KREMEN2: variants seen among roughly 807,000 people sequenced by gnomAD.
KREMEN2 encodes the protein kringle containing transmembrane protein 2, also known as kremen protein 2.
In KREMEN2, 43 loss-of-function variants were observed where a neutral mutation model predicts 49.8. The ratio of observed to expected loss-of-function variants is 0.86; its 90% CI spans 0.68 to 1.11. The LOEUF (loss-of-function observed/expected upper bound fraction) is 1.11, where lower values mean the gene tolerates loss of function less well. Among genes scored for constraint, KREMEN2 ranks in the 50% most tolerant of loss-of-function variants. The probability of loss-of-function intolerance (pLI) is 0.00; values close to 1 mark genes in which losing one functional copy is unlikely to be tolerated. For synonymous variants in KREMEN2, 355 were observed against 304.9 expected (o/e 1.16, Z -1.71); for missense variants, 686 against 665.7 (o/e 1.03, Z -0.34).
chr16:2,967,746 G>A, intron 8 of KREMEN2, 64 bp from the exon 9 acceptor site: 1 of 1,543,578 alleles, frequency 6.5e-7, no homozygotes, highest in South Asian at 1.2e-5. Context: ...GCGCGGGATC[G>A]CAGGTAGAGC....
chr16:2,966,923 C>T lies in KREMEN2; in HGVS notation c.654C>T (p.Ser218=). The T allele has an allele frequency of 6.5e-7, 1 of 1,548,780 alleles. No individual in the cohort carries two copies. The highest frequency in any genetic ancestry group is 8.7e-7 in the Non-Finnish European group (1 of 1,145,134). Reference sequence around the variant, plus strand: ...CCCCGCCCGCAGTGTCGGTGGGCTCCTGCCAGGGGAACTGGACAGCGCCTC... The same window carrying T: ...CCCCGCCCGCAGTGTCGGTGGGCTCTTGCCAGGGGAACTGGACAGCGCCTC... ...RLGVYEVSVG[S]CQGNWTAPQG... The change falls in exon 6 of 9, where the codon TCC becomes TCT. Residue 218 remains serine (S), a synonymous_variant. Coordinates refer to ENST00000303746, the MANE Select transcript of KREMEN2 (RefSeq NM_172229.3). This position sits in a 1 kb window ranked among gnomAD's most constrained non-coding sequence, Gnocchi z 8.4.
Position 2,967,818 on chromosome 16 carries a change from T to C in KREMEN2, c.1187T>C (p.Leu396Pro). Residue 396 changes from leucine to proline, a missense_variant, in exon 9 of 9, where the codon CTG (leucine) becomes CCG (proline). Physicochemically the swap from Leu to Pro is moderately conservative, Grantham distance 98. Transcript: ENST00000303746. ...GTCTGCTCCCTCTCTAGGAGCTGTC[T>C]GCTGGCTCCGGGAAAAGGGCCCCCG... Reference protein sequence around the residue: ...LLRPLRRRSCLLAPGKGPPAL... With the variant: ...LLRPLRRRSCPLAPGKGPPAL... 6.5e-7 allele frequency: 1 copy of C among 1,550,158 alleles called. No homozygotes were observed. Among genetic ancestry groups the C allele is most frequent in the Non-Finnish European group, 8.7e-7 (1 of 1,146,964 alleles).
At chr16:2,965,666 G>A (rs1035015440) in intron 2 of KREMEN2, among the ~76,000 whole-genome samples, 2 of 151,998 alleles carry the variant, frequency 1.3e-5, no homozygotes, top group African/African-American at 4.8e-5. Context: ...AGCTACTCAG[G>A]AGGCTGAGGC....
Position 2,967,063 on chromosome 16 carries a change from T to C in KREMEN2, c.794T>C (p.Leu265Pro). The C allele has an allele frequency of 6.5e-7, 1 of 1,529,184 alleles. No individual in the cohort carries two copies. The allele number at this position is 1,529,184 out of a possible 1,614,324, so 94.7% of individuals were successfully genotyped here. A position where few individuals can be genotyped will look rare whatever the true frequency, so the allele number is the denominator to read the frequency against. ...GAGCTCACCTTCCGCCTCTTCGAGC[T>C]GGCCGACCCGCGCGACCGGCTGGAG... is the stretch of plus-strand genomic sequence containing the variant. ...ALELTFRLFE[L>P]ADPRDRLELR... The change falls in exon 6 of 9, where the codon CTG becomes CCG. Residue 265 changes from leucine (L) to proline (P), a missense_variant. Coordinates refer to ENST00000303746, the MANE Select transcript of KREMEN2 (RefSeq NM_172229.3).
rs760956667 is a variant in KREMEN2 at position 2,966,830 on chromosome 16, G to GGA, written c.640+35_640+36insGA. ...GGGCGGGGACCAGGGGCCTGGGCGGGCCTCGAGGTGGGGCCTGGCCGGGCA... is the reference window on the plus strand; with the variant it reads ...GGGCGGGGACCAGGGGCCTGGGCGGGGACCTCGAGGTGGGGCCTGGCCGGGCA... On this transcript the variant is annotated intron_variant, in intron 5 of 8. Transcript: ENST00000303746. This position sits in a 1 kb window ranked among gnomAD's most constrained non-coding sequence, Gnocchi z 8.4. 1.4e-5 allele frequency: 22 copies of GGA among 1,599,272 alleles called. No homozygotes were observed. Among genetic ancestry groups the GGA allele is most frequent in the South Asian group, 3.3e-5 (3 of 89,998 alleles).
chr16:2,965,561 G>C (rs1198442558), intron 2 of KREMEN2, among the ~76,000 whole-genome samples: 1 of 152,156 alleles, frequency 6.6e-6, no homozygotes, highest in East Asian at 1.9e-4. Flanking sequence ...TCTGAGGTCA[G>C]GAGTTCGAGA....
rs1189954787 is a variant in KREMEN2, at chr16:2,967,249, C to A, written c.973+7C>A. The stretch of plus-strand genomic sequence containing the variant: ...TTCGCGCTCACCTACCGCGGTGAGC[C>A]TCAGCTCGGCGCGCCCTGCCCGCTG... On this transcript the variant is annotated splice_region_variant and intron_variant, in intron 6 of 8. Coordinates refer to ENST00000303746, the MANE Select transcript of KREMEN2 (RefSeq NM_172229.3). 1 of 1,352,196 alleles carries A rather than the reference C, an allele frequency of 7.4e-7. No individual in the cohort carries two copies. 83.8% of individuals were successfully genotyped at this position (1,352,196 alleles called of 1,614,324 possible).
rs1011911801 is a variant in KREMEN2 at position 2,966,682 on chromosome 16, C to T, written c.527C>T (p.Ser176Phe). ...VEAGYACFCG[S>F]ESDLARGRLA... ...GCCGGTTACGCCTGCTTCTGTGGCT[C>T]TGAAAGCGACCTGGCCCGGGGACGC... Residue 176 changes from serine to phenylalanine, a missense_variant, in exon 5 of 9, where the codon TCT becomes TTT. Transcript: ENST00000303746. This position sits in a 1 kb window ranked among gnomAD's most constrained non-coding sequence, Gnocchi z 8.4. 1.2e-6 allele frequency: 2 copies of T among 1,611,258 alleles called. No homozygotes were observed.
chr16:2,964,707 G>C (rs1401731049), intron 1 of KREMEN2, 93 bp downstream of exon 1: 4 of 1,397,672 alleles, frequency 2.9e-6, no homozygotes, highest in Admixed American at 2.2e-5. Context: ...GAGGGGGACA[G>C]AGCAGGTGGC....
In KREMEN2 at chr16:2,964,958, A is replaced by G. The variant is rs779187334; in HGVS notation, c.194A>G (p.Gln65Arg). The stretch of plus-strand genomic sequence containing the variant: ...GGCCGCCCGTGCCTCTTCTGGGACC[A>G]GACGCAGCAACACAGCTACAGCAGC... ...GAGRPCLFWD[Q>R]TQQHSYSSAS... The change falls in exon 2 of 9, where the codon CAG becomes CGG. Residue 65 changes from glutamine (Q) to arginine (R), a missense_variant. Transcript: ENST00000303746. 2 of 1,587,830 alleles carry G rather than the reference A, an allele frequency of 1.3e-6. No individual in the cohort carries two copies. The highest frequency in any genetic ancestry group is 1.7e-6 in the Non-Finnish European group (2 of 1,168,352).
At chr16:2,965,073 A>G (rs1178261677) in intron 2 of KREMEN2, 40 bp downstream of exon 2, 2 of 1,444,828 alleles carry the variant, frequency 1.4e-6, no homozygotes, top group Non-Finnish European at 1.8e-6. Context: ...GGCTGGGCTC[A>G]CCATTGCAGG....
At chr16:2,967,274 GT>G (rs2071846083) in intron 6 of KREMEN2, 32 bp downstream of exon 6, 1 of 1,363,888 alleles carries the variant, frequency 7.3e-7, no homozygotes. Flanking sequence ...CCTGCCCGCT[GT>G]TCCCACCCCG....
Position 2,964,517 on chromosome 16 carries a change from A to G in KREMEN2, c.-4A>G, listed in dbSNP as rs755839135. 1 of 1,567,680 alleles carries G rather than the reference A, an allele frequency of 6.4e-7. No individual in the cohort carries two copies. Among genetic ancestry groups the G allele is most frequent in the Non-Finnish European group, 8.6e-7 (1 of 1,161,082 alleles). On this transcript the variant is annotated 5_prime_UTR_variant, in exon 1 of 9. Transcript: ENST00000303746. Reference sequence around the variant, plus strand: ...CGAGGGTGACCTATCCTTGGTTGAGAGCGATGGGGACACAAGCCCTGCAGG... The same window carrying G: ...CGAGGGTGACCTATCCTTGGTTGAGGGCGATGGGGACACAAGCCCTGCAGG...
chr16:2,966,600 A>C lies in KREMEN2; in HGVS notation c.487-42A>C, dbSNP rs1482947935. 6 of 1,589,424 alleles carry C rather than the reference A, an allele frequency of 3.8e-6. No homozygotes were observed. In the Admixed American group the frequency reaches 7.0e-5, roughly 18 times the overall value. ...CCCAGGCCCCCACCACTTCACCCCT[A>C]CCCCAGCCCCTGCCCTGGGGTCACC... is the stretch of plus-strand genomic sequence containing the variant. On this transcript the variant is annotated intron_variant, in intron 4 of 8. Coordinates refer to ENST00000303746, the MANE Select transcript of KREMEN2 (RefSeq NM_172229.3). The surrounding 1 kb of genome is among the most constrained non-coding windows in gnomAD (Gnocchi z 8.4).
rs1476845641 is a variant in KREMEN2 at position 2,967,941 on chromosome 16, C to A, written c.1310C>A (p.Ala437Asp). 3.2e-6 allele frequency: 5 copies of A among 1,584,736 alleles called. No homozygotes were observed. The African/African-American group carries it at 6.7e-5, about 21-fold the overall frequency. ...CCCTGCTCCCCCGGGGACCCCCAGG[C>A]TGAGGGTTCTGCCGCGGGCTACCGG... ...ALPCSPGDPQ[A>D]EGSAAGYRPL... Residue 437 changes from alanine (A) to aspartate (D), a missense_variant, in exon 9 of 9, where the codon GCT (alanine) becomes GAT (aspartate). By Grantham distance (126) the Ala-to-Asp change is moderately radical. Transcript: ENST00000303746.
chr16:2,966,560 G>C lies in KREMEN2; in HGVS notation c.487-82G>C, dbSNP rs1238976208. ...ACACCGGTTTCTGAACCTCCAGCCC[G>C]ATTCCCACCCCGACCCCAGGCCCCC... On this transcript the variant is annotated intron_variant, in intron 4 of 8. Coordinates refer to ENST00000303746, the MANE Select transcript of KREMEN2 (RefSeq NM_172229.3). This position sits in a 1 kb window ranked among gnomAD's most constrained non-coding sequence, Gnocchi z 8.4. 34 of 1,562,230 alleles carry C rather than the reference G, an allele frequency of 2.2e-5. No homozygotes were observed. The highest frequency in any genetic ancestry group is 2.2e-4 in the Middle Eastern group (1 of 4,630).
chr16:2,966,057 CTT>C lies in KREMEN2; in HGVS notation c.270-81_270-80del, dbSNP rs1335400714. Reference sequence around the variant, plus strand: ...CACAGGCACAGAGCCTTGAAGGCCACTTTGAGCATAGGCTGCGGGGCCGGGCC... The same window carrying C: ...CACAGGCACAGAGCCTTGAAGGCCACTGAGCATAGGCTGCGGGGCCGGGCC... On this transcript the variant is annotated intron_variant, in intron 2 of 8. Transcript: ENST00000303746. The surrounding 1 kb of genome is among the most constrained non-coding windows in gnomAD (Gnocchi z 8.4). The C allele has an allele frequency of 2.3e-6, 3 of 1,280,202 alleles. No individual in the cohort carries two copies. The highest frequency in any genetic ancestry group is 3.4e-6 in the Non-Finnish European group (3 of 887,682). The allele number at this position is 1,280,202 out of a possible 1,614,324, so 79.3% of individuals were successfully genotyped here.
In KREMEN2 at chr16:2,964,507, C is replaced by T. The variant is rs763536749; in HGVS notation, c.-14C>T. 1.3e-6 allele frequency: 2 copies of T among 1,556,748 alleles called. No homozygotes were observed. Among genetic ancestry groups the T allele is most frequent in the East Asian group, 4.6e-5 (2 of 43,256 alleles). On this transcript the variant is annotated 5_prime_UTR_variant, in exon 1 of 9. Transcript: ENST00000303746. Reference sequence around the variant, plus strand: ...CGTGTCCGGGCGAGGGTGACCTATCCTTGGTTGAGAGCGATGGGGACACAA... The same window carrying T: ...CGTGTCCGGGCGAGGGTGACCTATCTTTGGTTGAGAGCGATGGGGACACAA...
At chr16:2,964,740 G>T in intron 1 of KREMEN2, 119 bp from the exon 2 acceptor site, 1 of 1,399,454 alleles carries the variant, frequency 7.1e-7, no homozygotes, top group South Asian at 1.3e-5. Flanking sequence ...GCAGCCCGAG[G>T]GCTCCTGCAG....
Sources: gnomAD v4.1 joint callset for allele counts (sites outside exome capture counted in the v4.1 genomes callset) on GRCh38, gnomAD v4.1.1 for gene constraint, Gnocchi (gnomAD v3.1) non-coding constraint, MANE v1.5 for transcripts, NCBI Gene and HGNC (gene_info 2026-07-23, HGNC 2026-07-21) for gene names.